Variants in LITAF observed in about 807,000 individuals in gnomAD.
LITAF encodes lipopolysaccharide-induced tumor necrosis factor-alpha factor.
Under a neutral mutation model 14.5 loss-of-function variants are expected in LITAF, and 9 were observed. The observed-to-expected ratio is 0.62, with a 90% confidence interval of 0.37 to 1.08. The LOEUF is 1.08. Among genes scored for constraint, LITAF ranks in the 50% least tolerant of loss-of-function variants. LITAF has a pLI of 0.01. For synonymous variants in LITAF, 98 were observed against 88.2 expected (o/e 1.11, Z -0.62); for missense variants, 206 against 213.4 (o/e 0.97, Z 0.22).
At chr16:11,594,341 G>C (rs2064868333) in intron 1 of LITAF, among the ~76,000 whole-genome samples, 1 of 151,840 alleles carries the variant, frequency 6.6e-6, no homozygotes, top group Non-Finnish European at 1.5e-5. Flanking sequence ...ATCTATGTGG[G>C]CATAGCAAGA....
At chr16:11,565,467 G>C (rs1000853190) in intron 1 of LITAF, among the ~76,000 whole-genome samples, 1 of 150,728 alleles carries the variant, frequency 6.6e-6, no homozygotes, top group East Asian at 1.9e-4. Flanking sequence ...GGGGAGGTGC[G>C]GGGAGGAGAC....
chr16:11,608,225 C>A (rs7197679), intron 3 of LITAF, among the ~76,000 whole-genome samples: 137,262 of 152,192 alleles, frequency 0.9, 62,061 homozygotes, highest in East Asian at 0.99. Flanking sequence ...AAGATCACAC[C>A]GCAAGCACAG....
At chr16:11,563,259 G>A (rs994177337) in intron 1 of LITAF, among the ~76,000 whole-genome samples, 3 of 151,830 alleles carry the variant, frequency 2.0e-5, no homozygotes, top group Admixed American at 6.6e-5. Flanking sequence ...AGCAATTCTC[G>A]TGCCTCAGCC....
rs3743582 is a variant in LITAF, at chr16:11,556,469, G to A, written c.220+42C>T. 0.48 allele frequency: 739,331 copies of A among 1,542,566 alleles called. 180,523 individuals are homozygous for A. Among genetic ancestry groups the A allele is most frequent in the Admixed American group, 0.68 (38,062 of 55,786 alleles). ...TCACTCTCCTGATTCCCAGGGTGGA[G>A]GGCCAAGGAATGGTAAGGGGGGCCT... On this transcript the variant is annotated intron_variant, in intron 2 of 3. Transcript: ENST00000622633.
At chr16:11,639,045 GTT>G (rs950232808), upstream of LITAF, among the ~76,000 whole-genome samples, 1 of 152,026 alleles carries the variant, frequency 6.6e-6, no homozygotes, top group African/African-American at 2.4e-5. Flanking sequence ...TGGGTGAATG[GTT>G]AGGTAGAGAG....
chr16:11,613,019 T>A (rs1280346262), intron 3 of LITAF, among the ~76,000 whole-genome samples: 1 of 152,160 alleles, frequency 6.6e-6, no homozygotes, highest in East Asian at 1.9e-4. Context: ...TCTAGGTTTT[T>A]CTTTGGATTT....
At chr16:11,564,727 C>G (rs2064424733) in intron 1 of LITAF, among the ~76,000 whole-genome samples, 1 of 152,048 alleles carries the variant, frequency 6.6e-6, no homozygotes, top group African/African-American at 2.4e-5. Context: ...GGGTGGCCAG[C>G]CTAGCAGTTT....
At chr16:11,577,370 T>G (rs1162230974) in intron 1 of LITAF, among the ~76,000 whole-genome samples, 2 of 144,872 alleles carry the variant, frequency 1.4e-5, no homozygotes, top group Non-Finnish European at 3.0e-5. Context: ...CAGGCTGGAG[T>G]GCAGTGGCAC....
At chr16:11,571,983 C>T (rs748602538) in intron 1 of LITAF, among the ~76,000 whole-genome samples, 1 of 151,886 alleles carries the variant, frequency 6.6e-6, no homozygotes, top group Non-Finnish European at 1.5e-5. Context: ...CACCTACTCA[C>T]AGGGCTGAGG....
At chr16:11,629,262 G>A (rs2065104143) in intron 3 of LITAF, 1 of 152,440 alleles carries the variant, frequency 6.6e-6, no homozygotes, top group Non-Finnish European at 1.5e-5. Flanking sequence ...GCACTCAGCC[G>A]GGAAGTCAGA....
At chr16:11,611,670 T>TC (rs1287602104) in intron 3 of LITAF, among the ~76,000 whole-genome samples, 1 of 151,452 alleles carries the variant, frequency 6.6e-6, no homozygotes, top group Non-Finnish European at 1.5e-5. Context: ...CTTTTTCTTT[T>TC]TTTTTTTTTT....
At chr16:11,589,554 A>G (rs551786597), upstream of LITAF, among the ~76,000 whole-genome samples, 2 of 151,560 alleles carry the variant, frequency 1.3e-5, no homozygotes, top group Admixed American at 6.6e-5. Context: ...CTAAATACCT[A>G]TTAGAGCTAA....
chr16:11,639,120 G>C (rs1460213139), upstream of LITAF, among the ~76,000 whole-genome samples: 1 of 151,774 alleles, frequency 6.6e-6, no homozygotes, highest in Non-Finnish European at 1.5e-5. Context: ...GGGATGGTTA[G>C]AGGGAGACAG....
At chr16:11,593,271 G>A (rs150438954) in intron 1 of LITAF, among the ~76,000 whole-genome samples, 39 of 149,602 alleles carry the variant, frequency 2.6e-4, no homozygotes, top group African/African-American at 7.2e-4. Flanking sequence ...CAAGAGAATC[G>A]CTTGAACCCA....
chr16:11,556,408 G>T lies in LITAF; in HGVS notation c.220+103C>A, dbSNP rs1167105677. ...AAGGGGGTAAAACTGGAACGTACTG[G>T]CACTTCACTTAGACTCTTTGGCAGA... On this transcript the variant is annotated intron_variant, in intron 2 of 3. Coordinates refer to ENST00000622633, the MANE Select transcript of LITAF (RefSeq NM_001136472.2). 5 of 953,636 alleles carry T rather than the reference G, an allele frequency of 5.2e-6. No homozygotes were observed. The African/African-American group carries it at 6.6e-5, about 13-fold the overall frequency. The allele number at this position is 953,636 out of a possible 1,614,324, so 59.1% of individuals were successfully genotyped here.
intron 3 of LITAF, among the ~76,000 whole-genome samples, chr16:11,609,525 C>G (rs1051863953): frequency 1.3e-5 from 2 of 151,596 alleles, no homozygotes; most frequent in African/African-American, 2.4e-5. Context: ...GAATGGTATG[C>G]TTTAAATGGG....
chr16:11,559,084 C>T (rs2064317709), intron 1 of LITAF, among the ~76,000 whole-genome samples: 2 of 152,086 alleles, frequency 1.3e-5, no homozygotes, highest in African/African-American at 2.4e-5. Flanking sequence ...CCTCTCTCTA[C>T]AAAATTTTAA....
At chr16:11,619,848 T>C (rs925718320) in intron 3 of LITAF, among the ~76,000 whole-genome samples, 1 of 152,132 alleles carries the variant, frequency 6.6e-6, no homozygotes, top group Non-Finnish European at 1.5e-5. Context: ...GTTTGAATAT[T>C]TGTCCCAGAC....
At chr16:11,600,206 G>A (rs11643990), upstream of LITAF, among the ~76,000 whole-genome samples, 49,069 of 152,026 alleles carry the variant, frequency 0.32, 8,414 homozygotes, top group African/African-American at 0.4. The surrounding 1 kb of genome is among the most constrained non-coding windows in gnomAD (Gnocchi z 4.1). Flanking sequence ...ATCTCTCTGT[G>A]TTGCCCAGGC....
Sources: gnomAD v4.1 joint callset for allele counts (sites outside exome capture counted in the v4.1 genomes callset) on GRCh38, gnomAD v4.1.1 for gene constraint, Gnocchi (gnomAD v3.1) non-coding constraint, MANE v1.5 for transcripts, NCBI Gene and HGNC (gene_info 2026-07-23, HGNC 2026-07-21) for gene names.